Variants in PDZRN3 observed in about 807,000 individuals in gnomAD.
The protein encoded by PDZRN3 is PDZ domain containing ring finger 3.
PDZRN3 carries 38 observed loss-of-function variants against 85.7 expected under a neutral mutation model. That is an observed-to-expected ratio of 0.44 (90% confidence interval 0.34 to 0.58). PDZRN3 has a LOEUF of 0.58. Ranked by LOEUF, PDZRN3 falls within the 20% of genes least tolerant of loss-of-function variation. The pLI, the probability that PDZRN3 is intolerant of heterozygous loss-of-function variation, is 0.01. For synonymous variants in PDZRN3, 759 were observed against 638.0 expected, an observed-to-expected ratio of 1.19 and a Z score of -2.86; for missense variants, 1,629 against 1,506.4, an observed-to-expected ratio of 1.08 and a Z score of -1.35.
chr3:73,420,243 G>T (rs1180705737), intron 3 of PDZRN3, among the ~76,000 whole-genome samples: 2 of 152,178 alleles, frequency 1.3e-5, no homozygotes, highest in South Asian at 4.2e-4. Flanking sequence ...ATCGTAACTG[G>T]GTCCCATCCT....
At chr3:73,485,500 CCTA>C (rs1430395241) in intron 3 of PDZRN3, among the ~76,000 whole-genome samples, 1 of 152,056 alleles carries the variant, frequency 6.6e-6, no homozygotes, top group Non-Finnish European at 1.5e-5. Context: ...AAGTAGTTTT[CCTA>C]CTACTACTTG....
Position 73,503,320 on chromosome 3 carries a change from G to GGTCATAAATCTGAC in PDZRN3, c.919-98939_919-98926dup, listed in dbSNP as rs1490988759. ...TCCTTTATTTACTTGAAGATTCTGA[G>GGTCATAAATCTGAC]GTCATAAATCTGACGTAAGTTCCAT... is the stretch of plus-strand genomic sequence containing the variant. On this transcript the variant is annotated intron_variant, in intron 3 of 9. Coordinates refer to ENST00000263666, the MANE Select transcript of PDZRN3 (RefSeq NM_015009.3). Among the ~76,000 whole-genome samples the GGTCATAAATCTGAC allele has an allele frequency of 3.9e-5, 6 of 152,206 alleles. No homozygotes were observed. In the Middle Eastern group the frequency reaches 0.01, roughly 259 times the overall value.
intron 1 of PDZRN3, among the ~76,000 whole-genome samples, chr3:73,615,295 TTC>T (rs1312427810): frequency 1.3e-5 from 2 of 152,246 alleles, no homozygotes; most frequent in Non-Finnish European, 2.9e-5. Flanking sequence ...ATTTCAAATT[TTC>T]TCTCTCATTT....
chr3:73,592,303 A>AAAT (rs1405938899), intron 3 of PDZRN3, among the ~76,000 whole-genome samples: 1 of 152,264 alleles, frequency 6.6e-6, no homozygotes, highest in African/African-American at 2.4e-5. Context: ...GAGTGTCTCC[A>AAAT]AATATTGAAA....
chr3:73,403,741 A>G (rs1701799159), intron 4 of PDZRN3, among the ~76,000 whole-genome samples: 1 of 152,186 alleles, frequency 6.6e-6, no homozygotes, highest in African/African-American at 2.4e-5. Flanking sequence ...ATGAGACCCA[A>G]GAAAGCAGAA....
chr3:73,511,156 G>A (rs918969462), intron 3 of PDZRN3, among the ~76,000 whole-genome samples: 1 of 152,078 alleles, frequency 6.6e-6, no homozygotes, highest in Non-Finnish European at 1.5e-5. Context: ...TCTCTTTCAT[G>A]CTTTTCTCTA....
At position 73,413,991 on chromosome 3, in the gene PDZRN3, C is replaced by T. The variant is rs1702026409; in HGVS notation, c.919-9596G>A. On this transcript the variant is annotated intron_variant, in intron 3 of 9. Coordinates refer to ENST00000263666, the MANE Select transcript of PDZRN3 (RefSeq NM_015009.3). ...TAACCTACCGGAAATTGATTTTCTTCTGTCAATTCATTTCTTACTAAGTTG... is the reference window on the plus strand; with the variant it reads ...TAACCTACCGGAAATTGATTTTCTTTTGTCAATTCATTTCTTACTAAGTTG... Among the ~76,000 whole-genome samples, 3 of 152,150 alleles carry T rather than the reference C, an allele frequency of 2.0e-5. No individual in the cohort carries two copies. The South Asian group carries it at 6.2e-4, about 32-fold the overall frequency.
chr3:73,486,270 T>C (rs1186576357), intron 3 of PDZRN3, among the ~76,000 whole-genome samples: 4 of 152,108 alleles, frequency 2.6e-5, no homozygotes, highest in Non-Finnish European at 5.9e-5. Context: ...CCAAGTTCTA[T>C]GGCCTGTGTA....
intron 3 of PDZRN3, among the ~76,000 whole-genome samples, chr3:73,569,920 G>C (rs9872217): frequency 0.098 from 14,985 of 152,182 alleles, 2,445 homozygotes; most frequent in African/African-American, 0.34. Flanking sequence ...TCACAGGGCT[G>C]TTTTTAGGAT....
chr3:73,582,891 T>G (rs923820010), intron 3 of PDZRN3, among the ~76,000 whole-genome samples: 1 of 152,204 alleles, frequency 6.6e-6, no homozygotes, highest in Non-Finnish European at 1.5e-5. Flanking sequence ...TTTTAATAAA[T>G]GCATACTATT....
chr3:73,523,925 A>C (rs1170416255), intron 3 of PDZRN3, among the ~76,000 whole-genome samples: 2 of 152,216 alleles, frequency 1.3e-5, no homozygotes, highest in Non-Finnish European at 2.9e-5. Flanking sequence ...GACCCTGGCA[A>C]AGGATCCAAA....
rs142229674 is a variant in PDZRN3, at chr3:73,560,510, C to T, written c.918+41844G>A. On this transcript the variant is annotated intron_variant, in intron 3 of 9. Coordinates refer to ENST00000263666, the MANE Select transcript of PDZRN3 (RefSeq NM_015009.3). ...ACCACTGTATATGTGGTGGAAGAAC[C>T]GGGAAATCATTTAAATATACCTGCT... Among the ~76,000 whole-genome samples, 182 of 152,268 alleles carry T rather than the reference C, an allele frequency of 1.2e-3. 2 individuals carry two copies. Among genetic ancestry groups the T allele is most frequent in the African/African-American group, 3.6e-3 (148 of 41,554 alleles).
At chr3:73,461,284 A>G (rs114417702) in intron 3 of PDZRN3, among the ~76,000 whole-genome samples, 171 of 152,290 alleles carry the variant, frequency 1.1e-3, no homozygotes, top group African/African-American at 4.0e-3. Context: ...TTCTACATGT[A>G]TATGTTTTTA....
At chr3:73,463,667 G>A (rs973525752) in intron 3 of PDZRN3, among the ~76,000 whole-genome samples, 2 of 152,190 alleles carry the variant, frequency 1.3e-5, no homozygotes, top group Admixed American at 6.5e-5. Flanking sequence ...CCCCATTATT[G>A]GATATATGCT....
rs188150402 is a variant in PDZRN3 at position 73,531,488 on chromosome 3, T to C, written c.918+70866A>G. Reference sequence around the variant, plus strand: ...GATGACTTGGGATTGTATCTATCACTGTGCTCCATGGCTGGTTATAGTGGC... The same window carrying C: ...GATGACTTGGGATTGTATCTATCACCGTGCTCCATGGCTGGTTATAGTGGC... On this transcript the variant is annotated intron_variant, in intron 3 of 9. Coordinates refer to ENST00000263666, the MANE Select transcript of PDZRN3 (RefSeq NM_015009.3). Among the ~76,000 whole-genome samples the C allele has an allele frequency of 3.9e-5, 6 of 152,344 alleles. No individual in the cohort carries two copies. The East Asian group carries it at 1.2e-3, about 29-fold the overall frequency.
intron 3 of PDZRN3, among the ~76,000 whole-genome samples, chr3:73,540,759 C>T (rs1005190320): frequency 6.6e-6 from 1 of 152,150 alleles, no homozygotes; most frequent in African/African-American, 2.4e-5. Context: ...ATGTATTATC[C>T]ATTCTTGGGC....
chr3:73,488,680 T>C (rs1703711472), intron 3 of PDZRN3, among the ~76,000 whole-genome samples: 1 of 152,260 alleles, frequency 6.6e-6, no homozygotes, highest in Admixed American at 6.5e-5. Context: ...GGCATCTTCC[T>C]ATCTTTCTAT....
At chr3:73,390,635 ATG>A (rs746695153) in intron 6 of PDZRN3, among the ~76,000 whole-genome samples, 37 of 139,456 alleles carry the variant, frequency 2.7e-4, no homozygotes, top group East Asian at 2.4e-3. Context: ...AGAAAAAAAA[ATG>A]TGTGTGTGTG....
intron 3 of PDZRN3, among the ~76,000 whole-genome samples, chr3:73,557,779 T>C (rs1249967492): frequency 6.6e-6 from 1 of 152,210 alleles, no homozygotes; most frequent in Non-Finnish European, 1.5e-5. Flanking sequence ...TGCAATTTAA[T>C]AAAATTTTAA....
Sources: allele counts gnomAD v4.1 joint callset (sites outside exome capture counted in the v4.1 genomes callset), GRCh38; gene constraint gnomAD v4.1.1; transcripts MANE v1.5; gene names NCBI Gene and HGNC (gene_info 2026-07-23, HGNC 2026-07-21).